The following EMP3 variants were observed in gnomAD, a reference collection of about 807,000 sequenced individuals.
EMP3 encodes the protein epithelial membrane protein 3 (MAM blood group).
In EMP3, 15 loss-of-function variants were observed where a neutral mutation model predicts 21.6. That is an observed-to-expected ratio of 0.69 (90% CI 0.46 to 1.07). The LOEUF is 1.07. Ranked by LOEUF, EMP3 falls within the 50% of genes least tolerant of loss-of-function variation. The pLI is 0.00. For missense variants in EMP3, 183 were observed against 206.6 expected (o/e 0.89, Z 0.70); for synonymous variants, 107 against 86.1 (o/e 1.24, Z -1.34).
chr19:48,328,496 A>G (rs1360377710), intron 3 of EMP3, among the ~76,000 whole-genome samples: 1 of 151,694 alleles, frequency 6.6e-6, no homozygotes, highest in Non-Finnish European at 1.5e-5. Flanking sequence ...CTCTAAGGAG[A>G]TGGGGCTGGT....
At chr19:48,328,834 C>T (rs189933749) in intron 3 of EMP3, among the ~76,000 whole-genome samples, 4 of 152,248 alleles carry the variant, frequency 2.6e-5, no homozygotes, top group Admixed American at 2.6e-4. Flanking sequence ...TAAAATTCTG[C>T]AAAGCAGACA....
In EMP3 at chr19:48,329,603, C is replaced by A; in HGVS notation, c.322+111C>A. On this transcript the variant is annotated intron_variant, in intron 4 of 4. Coordinates refer to ENST00000270221, the MANE Select transcript of EMP3 (RefSeq NM_001425.3). The surrounding 1 kb of genome is among the most constrained non-coding windows in gnomAD (Gnocchi z 4.5). Reference sequence around the variant, plus strand: ...ATGGGCCTCTCGTAGAAAAAAACAACTTTCAACACCCCACGAGCCACAAGA... The same window carrying A: ...ATGGGCCTCTCGTAGAAAAAAACAAATTTCAACACCCCACGAGCCACAAGA... 1 of 1,375,368 alleles carries A rather than the reference C, an allele frequency of 7.3e-7. No individual in the cohort carries two copies. Among genetic ancestry groups the A allele is most frequent in the Non-Finnish European group, 9.8e-7 (1 of 1,018,456 alleles). 85.2% of individuals were successfully genotyped at this position (1,375,368 alleles called of 1,614,324 possible). A position where few individuals can be genotyped will look rare whatever the true frequency, so the allele number is the denominator to read the frequency against.
Position 48,329,448 on chromosome 19 carries a change from G to C in EMP3, c.278G>C (p.Arg93Pro). The C allele has an allele frequency of 6.2e-7, 1 of 1,614,134 alleles. No homozygotes were observed. The highest frequency in any genetic ancestry group is 2.2e-5 in the East Asian group (1 of 44,886). The change falls in exon 4 of 5, where the codon CGA becomes CCA. Residue 93 changes from arginine (R) to proline (P), a missense_variant. By Grantham distance (103) the Arg-to-Pro change is moderately radical (BLOSUM62 -2). Coordinates refer to ENST00000270221, the MANE Select transcript of EMP3 (RefSeq NM_001425.3). This position sits in a 1 kb window ranked among gnomAD's most constrained non-coding sequence, Gnocchi z 4.5. ...ATGTTCCAGCTCTACACCATGCGAC[G>C]AGGAGGTCTCTTCTATGCCACCGGC... The part of the protein sequence containing the change: ...LFMFQLYTMR[R>P]GGLFYATGLC...
chr19:48,327,705 C>A, intron 3 of EMP3, 82 bp downstream of exon 3: 1 of 1,362,154 alleles, frequency 7.3e-7, no homozygotes, highest in Non-Finnish European at 1.0e-6. Flanking sequence ...AATTGGGAAC[C>A]CTCCCCCAAC....
rs941998627 is a variant in EMP3 at position 48,330,326 on chromosome 19, G to T, written c.348G>T (p.Leu116Phe). Reference protein sequence around the residue: ...CTSVAVFTGALIYAIHAEEIL... With the variant: ...CTSVAVFTGAFIYAIHAEEIL... ...GCGTGGCGGTGTTTACTGGCGCCTT[G>T]ATCTATGCCATTCACGCCGAGGAGA... The change falls in exon 5 of 5, where the codon TTG becomes TTT. Residue 116 changes from leucine to phenylalanine, a missense_variant. Physicochemically the swap from Leu to Phe is conservative, Grantham distance 22. Transcript: ENST00000270221. 6.9e-6 allele frequency: 11 copies of T among 1,601,438 alleles called. No individual in the cohort carries two copies. Among genetic ancestry groups the T allele is most frequent in the Non-Finnish European group, 9.4e-6 (11 of 1,174,662 alleles).
chr19:48,329,300 C>G lies in EMP3; in HGVS notation c.182-52C>G. ...TCACATGGTGAGCAAGCAGGTGAAG[C>G]TGGAACTCTGGACCCACGGTGATGT... On this transcript the variant is annotated intron_variant, in intron 3 of 4. Transcript: ENST00000270221. The surrounding 1 kb of genome is among the most constrained non-coding windows in gnomAD (Gnocchi z 4.5). 6.2e-7 allele frequency: 1 copy of G among 1,608,752 alleles called. No homozygotes were observed. The highest frequency in any genetic ancestry group is 8.5e-7 in the Non-Finnish European group (1 of 1,176,904).
In EMP3 at chr19:48,326,817, T is replaced by TC; in HGVS notation, c.-15-8dup. 1 of 1,610,544 alleles carries TC rather than the reference T, an allele frequency of 6.2e-7. No homozygotes were observed. The highest frequency in any genetic ancestry group is 8.5e-7 in the Non-Finnish European group (1 of 1,177,262). ...AACCTCTTGAGACTCCGTCCCCTGC[T>TC]CCCCCTCCCCAGGCTTCCACTGCAG... is the stretch of plus-strand genomic sequence containing the variant. On this transcript the variant is annotated splice_polypyrimidine_tract_variant and intron_variant, in intron 1 of 4. Coordinates refer to ENST00000270221, the MANE Select transcript of EMP3 (RefSeq NM_001425.3).
At chr19:48,326,375 C>T (rs1028726754) in intron 1 of EMP3, among the ~76,000 whole-genome samples, 1 of 152,142 alleles carries the variant, frequency 6.6e-6, no homozygotes, top group Non-Finnish European at 1.5e-5. Flanking sequence ...CTCTCCACCC[C>T]TCCAGCCAAT....
At chr19:48,325,657 T>C (rs1476599588) in intron 1 of EMP3, 47 bp downstream of exon 1, 3 of 151,960 alleles carry the variant, frequency 2.0e-5, no homozygotes, top group Non-Finnish European at 4.4e-5. Flanking sequence ...TTAATTTACT[T>C]GGGAATGTAG....
In EMP3 at chr19:48,329,151, G is replaced by A; in HGVS notation, c.182-201G>A. 1 of 617,146 alleles carries A rather than the reference G, an allele frequency of 1.6e-6. No individual in the cohort carries two copies. 38.2% of individuals were successfully genotyped at this position (617,146 alleles called of 1,614,324 possible). On this transcript the variant is annotated intron_variant, in intron 3 of 4. Coordinates refer to ENST00000270221, the MANE Select transcript of EMP3 (RefSeq NM_001425.3). The surrounding 1 kb of genome is among the most constrained non-coding windows in gnomAD (Gnocchi z 4.5). The stretch of plus-strand genomic sequence containing the variant: ...AAAAAAGAAAAAGGAAATTGGCAAA[G>A]CAACTACTAGAACTGAGAAGGGAAT...
chr19:48,330,510 C>A lies in EMP3; in HGVS notation c.*40C>A. On this transcript the variant is annotated 3_prime_UTR_variant, in exon 5 of 5. Coordinates refer to ENST00000270221, the MANE Select transcript of EMP3 (RefSeq NM_001425.3). Reference sequence around the variant, plus strand: ...TCGGCTGCCCCCGCCCCTTCCCGGCCCCCCTCGCCGCGCGTCCTCCAAAAA... The same window carrying A: ...TCGGCTGCCCCCGCCCCTTCCCGGCACCCCTCGCCGCGCGTCCTCCAAAAA... The A allele has an allele frequency of 6.6e-7, 1 of 1,517,444 alleles. No homozygotes were observed. Among genetic ancestry groups the A allele is most frequent in the Non-Finnish European group, 8.8e-7 (1 of 1,137,204 alleles). 94.0% of individuals were successfully genotyped at this position (1,517,444 alleles called of 1,614,324 possible).
rs1969178949 is a variant in EMP3 at position 48,329,837 on chromosome 19, G to C, written c.322+345G>C. ...GGATAAACTAATTAGTACCTCAGTAGAGAGCTCTAAATCATAATAATAATG... is the reference window on the plus strand; with the variant it reads ...GGATAAACTAATTAGTACCTCAGTACAGAGCTCTAAATCATAATAATAATG... On this transcript the variant is annotated intron_variant, in intron 4 of 4. Coordinates refer to ENST00000270221, the MANE Select transcript of EMP3 (RefSeq NM_001425.3). This position sits in a 1 kb window ranked among gnomAD's most constrained non-coding sequence, Gnocchi z 4.5. 6.6e-6 allele frequency among the ~76,000 whole-genome samples: 1 copy of C among 152,158 alleles called. No individual in the cohort carries two copies. Among genetic ancestry groups the C allele is most frequent in the South Asian group, 2.1e-4 (1 of 4,838 alleles).
rs1010435060 is a variant in EMP3, at chr19:48,328,737, A to G, written c.182-615A>G. 2.0e-5 allele frequency among the ~76,000 whole-genome samples: 3 copies of G among 152,248 alleles called. No individual in the cohort carries two copies. In the South Asian group the frequency reaches 6.2e-4, roughly 31 times the overall value. On this transcript the variant is annotated intron_variant, in intron 3 of 4. Transcript: ENST00000270221. ...ACTGGAGTAGCCAATGCAAGAAGGCAAGAAAAAGAAATAAAGGGCATGGGA... is the reference window on the plus strand; with the variant it reads ...ACTGGAGTAGCCAATGCAAGAAGGCGAGAAAAAGAAATAAAGGGCATGGGA...
rs771990704 is a variant in EMP3, at chr19:48,330,347, G to A, written c.369G>A (p.Glu123=). The change falls in exon 5 of 5, where the codon GAG becomes GAA. Residue 123 remains glutamate (E), a synonymous_variant. Transcript: ENST00000270221. ...CCTTGATCTATGCCATTCACGCCGA[G>A]GAGATCCTGGAGAAGCACCCGCGAG... The part of the protein sequence containing the change: ...TGALIYAIHA[E]EILEKHPRGG... 3 of 1,606,122 alleles carry A rather than the reference G, an allele frequency of 1.9e-6. No homozygotes were observed. Among genetic ancestry groups the A allele is most frequent in the African/African-American group, 2.7e-5 (2 of 74,260 alleles).
chr19:48,330,542 C>A lies in EMP3; in HGVS notation c.*72C>A, dbSNP rs1427770064. The A allele has an allele frequency of 2.9e-6, 4 of 1,395,818 alleles. No homozygotes were observed. Among genetic ancestry groups the A allele is most frequent in the East Asian group, 5.4e-5 (2 of 36,948 alleles). 86.5% of individuals were successfully genotyped at this position (1,395,818 alleles called of 1,614,324 possible). ...GCCGCGCGTCCTCCAAAAAATAAAACCTTAACCGCGGGCTCTGCCTTGATC... is the reference window on the plus strand; with the variant it reads ...GCCGCGCGTCCTCCAAAAAATAAAAACTTAACCGCGGGCTCTGCCTTGATC... On this transcript the variant is annotated 3_prime_UTR_variant, in exon 5 of 5. Coordinates refer to ENST00000270221, the MANE Select transcript of EMP3 (RefSeq NM_001425.3).
At chr19:48,330,152 A>C (rs1969182222) in intron 4 of EMP3, 149 bp from the exon 5 acceptor site, 1 of 1,158,742 alleles carries the variant, frequency 8.6e-7, no homozygotes, top group Admixed American at 3.1e-5. Context: ...CTACAGTTGC[A>C]CGGCGCTGGG....
Position 48,330,390 on chromosome 19 carries a change from T to G in EMP3, c.412T>G (p.Cys138Gly). 6.2e-7 allele frequency: 1 copy of G among 1,607,308 alleles called. No individual in the cohort carries two copies. Among genetic ancestry groups the G allele is most frequent in the South Asian group, 1.1e-5 (1 of 90,510 alleles). The change falls in exon 5 of 5, where the codon TGC becomes GGC. Residue 138 changes from cysteine (C) to glycine (G), a missense_variant. Transcript: ENST00000270221. Reference protein sequence around the residue: ...KHPRGGSFGYCFALAWVAFPL... With the variant: ...KHPRGGSFGYGFALAWVAFPL... Reference sequence around the variant, plus strand: ...CCCGCGAGGGGGCAGCTTCGGATACTGCTTCGCCCTGGCCTGGGTGGCCTT... The same window carrying G: ...CCCGCGAGGGGGCAGCTTCGGATACGGCTTCGCCCTGGCCTGGGTGGCCTT...
At position 48,330,106 on chromosome 19, in the gene EMP3, G is replaced by A. The variant is rs150991169; in HGVS notation, c.323-195G>A. On this transcript the variant is annotated intron_variant, in intron 4 of 4. Transcript: ENST00000270221. ...TTGGATGGATAGAGAGATATTATTGGACCTAGAGAGATTAAATCAGTTACC... is the reference window on the plus strand; with the variant it reads ...TTGGATGGATAGAGAGATATTATTGAACCTAGAGAGATTAAATCAGTTACC... Among the ~76,000 whole-genome samples the A allele has an allele frequency of 3.6e-4, 55 of 152,274 alleles. 1 individual carries two copies. Among genetic ancestry groups the A allele is most frequent in the Non-Finnish European group, 6.0e-4 (41 of 68,028 alleles).
Position 48,327,513 on chromosome 19 carries a change from C to T in EMP3, c.79-8C>T. ...CCTGCCCCTTGTTTCGTTCTCTGTC[C>T]ATCCCAGTCCTGGTGGACTCTCCCT... On this transcript the variant is annotated splice_polypyrimidine_tract_variant and splice_region_variant and intron_variant, in intron 2 of 4. Transcript: ENST00000270221. 6.2e-7 allele frequency: 1 copy of T among 1,606,540 alleles called. No homozygotes were observed.
Sources: allele counts gnomAD v4.1 joint callset (sites outside exome capture counted in the v4.1 genomes callset), GRCh38; gene constraint gnomAD v4.1.1; non-coding constraint Gnocchi (gnomAD v3.1); transcripts MANE v1.5; gene names NCBI Gene and HGNC (gene_info 2026-07-23, HGNC 2026-07-21).